The following LRRC4C variants were observed in gnomAD, a reference collection of about 807,000 sequenced individuals.
The protein encoded by LRRC4C is leucine-rich repeat-containing protein 4C.
Under a neutral mutation model 33.6 loss-of-function variants are expected in LRRC4C, and 5 were observed. The observed-to-expected ratio is 0.15, with a 90% CI of 0.08 to 0.31. The LOEUF (loss-of-function observed/expected upper bound fraction) is 0.31. Among genes scored for constraint, LRRC4C ranks in the 10% least tolerant of loss-of-function variants. The pLI is 1.00. For synonymous variants in LRRC4C, 329 were observed against 302.0 expected (o/e 1.09, Z -0.93); for missense variants, 560 against 796.7 (o/e 0.70, Z 3.58).
chr11:41,390,106 A>T (rs549889567), intron 1 of LRRC4C, among the ~76,000 whole-genome samples: 2 of 152,070 alleles, frequency 1.3e-5, no homozygotes, highest in Admixed American at 6.6e-5. Flanking sequence ...TGCATAAAAC[A>T]TTGTTGAAGT....
chr11:40,414,855 T>G (rs1351389546), intron 3 of LRRC4C, among the ~76,000 whole-genome samples: 1 of 152,124 alleles, frequency 6.6e-6, no homozygotes, highest in Admixed American at 6.6e-5. Context: ...ATTCTTTTTA[T>G]AACTAAGGTT....
At chr11:40,287,752 A>C (rs186900802) in intron 4 of LRRC4C, among the ~76,000 whole-genome samples, 1 of 152,334 alleles carries the variant, frequency 6.6e-6, no homozygotes, top group Admixed American at 6.5e-5. Flanking sequence ...AGTTTATATG[A>C]CACAGAATAT....
chr11:40,242,033 C>T (rs1865958898), intron 4 of LRRC4C: 1 of 152,076 alleles, frequency 6.6e-6, no homozygotes, highest in Admixed American at 6.6e-5. Flanking sequence ...CTTGACTGGA[C>T]CCCAGACAAG....
intron 1 of LRRC4C, among the ~76,000 whole-genome samples, chr11:41,084,287 G>T (rs1029272554): frequency 6.6e-6 from 1 of 152,160 alleles, no homozygotes; most frequent in Non-Finnish European, 1.5e-5. Context: ...GCTAGCATTT[G>T]TACTAGCTTT....
intron 3 of LRRC4C, among the ~76,000 whole-genome samples, chr11:40,595,061 C>G (rs1173327430): frequency 1.3e-5 from 2 of 151,950 alleles, no homozygotes; most frequent in African/African-American, 4.8e-5. Flanking sequence ...AGACTTTATT[C>G]ATTTCCATTT....
intron 3 of LRRC4C, among the ~76,000 whole-genome samples, chr11:40,575,873 T>C (rs906603389): frequency 2.6e-5 from 4 of 152,164 alleles, no homozygotes; most frequent in East Asian, 1.9e-4. Context: ...GGTTGTGTAA[T>C]GTGTATGGAC....
At chr11:40,670,165 A>G (rs927156163) in intron 2 of LRRC4C, among the ~76,000 whole-genome samples, 1 of 152,200 alleles carries the variant, frequency 6.6e-6, no homozygotes, top group African/African-American at 2.4e-5. Context: ...TCAGGAGTGG[A>G]GAACATTATA....
At chr11:40,864,244 T>C (rs1012633065) in intron 2 of LRRC4C, among the ~76,000 whole-genome samples, 8 of 151,978 alleles carry the variant, frequency 5.3e-5, no homozygotes, top group Non-Finnish European at 7.4e-5. Flanking sequence ...AATTTTTGTA[T>C]TTTTAGTAGA....
Position 40,984,367 on chromosome 11 carries a change from GAAAGAAAGAAA to G in LRRC4C, c.-495-50655_-495-50645del, listed in dbSNP as rs1337389223. Reference sequence around the variant, plus strand: ...GTAGGAAAGAGAAAGAAAGAAAAAAGAAAGAAAGAAAGAAAGAAAGAAAGAAAGAAAGAAAG... The same window carrying G: ...GTAGGAAAGAGAAAGAAAGAAAAAAGGAAAGAAAGAAAGAAAGAAAGAAAG... On this transcript the variant is annotated intron_variant, in intron 1 of 6. Coordinates refer to ENST00000528697, the MANE Select transcript of LRRC4C (RefSeq NM_001258419.2). 9.3e-4 allele frequency among the ~76,000 whole-genome samples: 90 copies of G among 96,516 alleles called. 2 individuals carry two copies. The highest frequency in any genetic ancestry group is 3.9e-3 in the African/African-American group (88 of 22,580). The allele number at this position is 96,516 out of a possible 152,430, so 63.3% of individuals were successfully genotyped here. A position where few individuals can be genotyped will look rare whatever the true frequency, so the allele number is the denominator to read the frequency against.
chr11:40,594,926 G>A lies in LRRC4C; in HGVS notation c.-270+53216C>T, dbSNP rs1041170375. Among the ~76,000 whole-genome samples the A allele has an allele frequency of 9.2e-5, 14 of 152,028 alleles. 1 individual carries two copies. The South Asian group carries it at 1.7e-3, about 18-fold the overall frequency. On this transcript the variant is annotated intron_variant, in intron 3 of 6. Transcript: ENST00000528697. ...TTTTAATAAACACACACACAAACACGCCATATGTACACAGATATAACACAA... is the reference window on the plus strand; with the variant it reads ...TTTTAATAAACACACACACAAACACACCATATGTACACAGATATAACACAA...
At chr11:41,144,897 A>G (rs1208935908) in intron 1 of LRRC4C, among the ~76,000 whole-genome samples, 1 of 152,172 alleles carries the variant, frequency 6.6e-6, no homozygotes, top group Non-Finnish European at 1.5e-5. Context: ...TGAAACTAGT[A>G]CATTCCAATG....
At chr11:40,542,719 A>G (rs571012953) in intron 3 of LRRC4C, among the ~76,000 whole-genome samples, 58 of 152,058 alleles carry the variant, frequency 3.8e-4, no homozygotes, top group Middle Eastern at 3.4e-3. Context: ...CCCTTCAAGG[A>G]TGTGTATGGC....
At chr11:40,512,699 C>T (rs1955378341) in intron 3 of LRRC4C, among the ~76,000 whole-genome samples, 1 of 152,120 alleles carries the variant, frequency 6.6e-6, no homozygotes, top group African/African-American at 2.4e-5. Context: ...GCCGCTGAGC[C>T]ACCTTAAAGA....
At position 40,259,702 on chromosome 11, in the gene LRRC4C, G is replaced by C. The variant is rs375825279; in HGVS notation, c.-175-18104C>G. 9.2e-5 allele frequency among the ~76,000 whole-genome samples: 14 copies of C among 151,930 alleles called. No individual in the cohort carries two copies. In the East Asian group the frequency reaches 9.7e-4, roughly 10 times the overall value. On this transcript the variant is annotated intron_variant, in intron 4 of 6. Coordinates refer to ENST00000528697, the MANE Select transcript of LRRC4C (RefSeq NM_001258419.2). Reference sequence around the variant, plus strand: ...CCCATTTCTTGTTTTTCTCAGGTTTGTCAAAGATCAGATAGTTGTAGATAT... The same window carrying C: ...CCCATTTCTTGTTTTTCTCAGGTTTCTCAAAGATCAGATAGTTGTAGATAT...
intron 3 of LRRC4C, among the ~76,000 whole-genome samples, chr11:40,468,265 T>G (rs1193691815): frequency 6.6e-6 from 1 of 152,170 alleles, no homozygotes; most frequent in Non-Finnish European, 1.5e-5. Flanking sequence ...ATTGTCTAAA[T>G]CTGTAATTTT....
At chr11:41,223,933 C>G (rs1052338557) in intron 1 of LRRC4C, among the ~76,000 whole-genome samples, 1 of 152,114 alleles carries the variant, frequency 6.6e-6, no homozygotes, top group Non-Finnish European at 1.5e-5. Context: ...TTTCTTAAAG[C>G]CTTCTGGAGG....
At chr11:40,374,932 G>C (rs1161697969) in intron 3 of LRRC4C, among the ~76,000 whole-genome samples, 1 of 152,088 alleles carries the variant, frequency 6.6e-6, no homozygotes, top group East Asian at 1.9e-4. Context: ...TAGTGTGAAA[G>C]GTCCAAAGTC....
intron 1 of LRRC4C, among the ~76,000 whole-genome samples, chr11:41,244,017 A>G (rs16935472): frequency 0.045 from 6,886 of 152,188 alleles, 197 homozygotes; most frequent in South Asian, 0.068. Flanking sequence ...CTGTTTACCA[A>G]GTTAAAACGG....
intron 1 of LRRC4C, among the ~76,000 whole-genome samples, chr11:41,030,194 G>T (rs1485568087): frequency 6.6e-6 from 1 of 151,864 alleles, no homozygotes; most frequent in East Asian, 1.9e-4. Flanking sequence ...AAAAACAGCA[G>T]TGAAAAAGGC....
Sources: allele counts gnomAD v4.1 joint callset (sites outside exome capture counted in the v4.1 genomes callset), GRCh38; gene constraint gnomAD v4.1.1; transcripts MANE v1.5; gene names NCBI Gene and HGNC (gene_info 2026-07-23, HGNC 2026-07-21).